Variants in CFAP47 observed in about 807,000 individuals in gnomAD.
CFAP47 encodes cilia and flagella associated protein 47.
CFAP47 carries 29 observed loss-of-function variants against 148.1 expected under a neutral mutation model. The observed-to-expected ratio is 0.20, with a 90% CI of 0.15 to 0.27. The LOEUF is 0.27. Among genes scored for constraint, CFAP47 ranks in the 10% least tolerant of loss-of-function variants. The probability of loss-of-function intolerance (pLI) is 1.00; values close to 1 mark genes in which losing one functional copy is unlikely to be tolerated. For synonymous variants in CFAP47, 664 were observed against 577.3 expected, an observed-to-expected ratio of 1.15 and a Z score of -2.15; for missense variants, 1,872 against 1,697.5, an observed-to-expected ratio of 1.10 and a Z score of -1.81.
At chrX:36,175,059 C>T (rs1256024909) in intron 39 of CFAP47, among the ~76,000 whole-genome samples, 1 of 111,155 alleles carries the variant, frequency 9.0e-6, no homozygotes, top group African/African-American at 3.3e-5. Context: ...TTTCATCTTC[C>T]ATCACTGATA....
At chrX:36,268,701 A>G (rs1940924281) in intron 49 of CFAP47, among the ~76,000 whole-genome samples, 1 of 112,037 alleles carries the variant, frequency 8.9e-6, no homozygotes, top group Admixed American at 9.5e-5. Flanking sequence ...TGCTTGCTCA[A>G]TCAAAAGAAT....
intron 16 of CFAP47, among the ~76,000 whole-genome samples, chrX:35,990,959 A>T (rs1382470315): frequency 9.0e-6 from 1 of 111,265 alleles, no homozygotes; most frequent in African/African-American, 3.3e-5. Flanking sequence ...CCATGAGGAG[A>T]ATTGACTTTA....
intron 8 of CFAP47, among the ~76,000 whole-genome samples, chrX:35,959,509 C>T (rs773706605): frequency 5.2e-4 from 58 of 111,947 alleles, no homozygotes; most frequent in Admixed American, 1.7e-3. Flanking sequence ...TTAGCTCAAA[C>T]TGTTAAATCT....
chrX:36,354,432 G>A (rs1556018093), intron 60 of CFAP47, among the ~76,000 whole-genome samples: 1 of 93,340 alleles, frequency 1.1e-5, no homozygotes, highest in Non-Finnish European at 2.0e-5. Flanking sequence ...AGTGAGCCGA[G>A]ATCGTGCCAC....
intron 57 of CFAP47, among the ~76,000 whole-genome samples, chrX:36,338,565 A>T (rs1265664463): frequency 1.8e-5 from 2 of 111,845 alleles, no homozygotes; most frequent in Non-Finnish European, 3.8e-5. Context: ...GTTGATCCCC[A>T]GGAATCAATT....
chrX:35,994,754 A>G (rs969710392), intron 18 of CFAP47, among the ~76,000 whole-genome samples: 6 of 111,188 alleles, frequency 5.4e-5, no homozygotes, highest in African/African-American at 1.6e-4. Context: ...ATTTTAGAGG[A>G]TTATGCTGGG....
At chrX:36,364,261 G>A (rs781911063) in intron 61 of CFAP47, among the ~76,000 whole-genome samples, 2 of 110,415 alleles carry the variant, frequency 1.8e-5, no homozygotes, top group African/African-American at 6.5e-5. Flanking sequence ...CAAAGAAGTC[G>A]CTCACAGAAT....
intron 56 of CFAP47, among the ~76,000 whole-genome samples, chrX:36,313,305 G>GA (rs1344617329): frequency 3.6e-5 from 4 of 109,697 alleles, no homozygotes; most frequent in African/African-American, 1.3e-4. Flanking sequence ...AATCATGGTG[G>GA]AAAAAAAACA....
At position 36,098,426 on chromosome X, in the gene CFAP47, C is replaced by A. The variant is rs183762820; in HGVS notation, c.4917-367C>A. Among the ~76,000 whole-genome samples the A allele has an allele frequency of 8.1e-5, 9 of 111,586 alleles. No individual in the cohort carries two copies. In the East Asian group the frequency reaches 2.6e-3, roughly 32 times the overall value. On this transcript the variant is annotated intron_variant, in intron 30 of 63. Coordinates refer to ENST00000378653, the MANE Select transcript of CFAP47 (RefSeq NM_001304548.2). ...TTAGCTGGTGGCAAAGCCAGCCAAGCCTATATCTTTCCTTTAAGGCTTAGA... is the reference window on the plus strand; with the variant it reads ...TTAGCTGGTGGCAAAGCCAGCCAAGACTATATCTTTCCTTTAAGGCTTAGA...
intron 50 of CFAP47, 55 bp from the exon 51 acceptor site, chrX:36,285,574 G>T: frequency 2.0e-6 from 1 of 509,558 alleles, no homozygotes. Flanking sequence ...AAATGTGTAT[G>T]TTAAGTATGG....
At chrX:36,011,163 TTTTGAGATATA>T (rs1181100257) in intron 21 of CFAP47, among the ~76,000 whole-genome samples, 7 of 111,972 alleles carry the variant, frequency 6.3e-5, no homozygotes, top group Non-Finnish European at 9.4e-5. Context: ...TTGAGTAGTG[TTTTGAGATATA>T]TTTCCTTGAA....
chrX:36,222,514 C>A (rs1391533956), intron 45 of CFAP47, among the ~76,000 whole-genome samples: 1 of 109,513 alleles, frequency 9.1e-6, no homozygotes, highest in African/African-American at 3.3e-5. Flanking sequence ...AAGTATAGGT[C>A]TTTATTATTT....
At chrX:36,216,147 G>A (rs1300238224) in intron 45 of CFAP47, among the ~76,000 whole-genome samples, 3 of 112,318 alleles carry the variant, frequency 2.7e-5, no homozygotes, top group Non-Finnish European at 5.6e-5. Context: ...GTCAGTGTAC[G>A]TTTTATTCAT....
At chrX:36,207,013 A>C (rs1191180974) in intron 45 of CFAP47, among the ~76,000 whole-genome samples, 3 of 112,077 alleles carry the variant, frequency 2.7e-5, no homozygotes, top group African/African-American at 9.7e-5. Context: ...GTTTAAGAAG[A>C]AAGATATTAG....
rs772162892 is a variant in CFAP47, at chrX:35,941,320, G to A, written c.439G>A (p.Val147Ile). The change falls in exon 3 of 64, where the codon GTT (valine) becomes ATT (isoleucine). Residue 147 changes from valine to isoleucine, a missense_variant. Coordinates refer to ENST00000378653, the MANE Select transcript of CFAP47 (RefSeq NM_001304548.2). The part of the protein sequence containing the change: ...PSCQLEIESV[V>I]NFGTLVANSK... ...CTGTCAATTGGAAATTGAATCAGTA[G>A]TTAATTTTGGCACACTGGTTGCCAA... is the stretch of plus-strand genomic sequence containing the variant. 135 of 1,175,554 alleles carry A rather than the reference G, an allele frequency of 1.1e-4. No individual in the cohort carries two copies. The highest frequency in any genetic ancestry group is 1.4e-4 in the Non-Finnish European group (125 of 877,080).
At chrX:36,042,880 T>G (rs886326879) in intron 25 of CFAP47, among the ~76,000 whole-genome samples, 1 of 111,433 alleles carries the variant, frequency 9.0e-6, no homozygotes, top group Non-Finnish European at 1.9e-5. Flanking sequence ...GGAAGAAGAA[T>G]AAGATGGGAA....
intron 57 of CFAP47, among the ~76,000 whole-genome samples, chrX:36,344,479 T>A (rs1256480559): frequency 9.0e-6 from 1 of 111,474 alleles, no homozygotes; most frequent in Non-Finnish European, 1.9e-5. Flanking sequence ...AATTCAATAA[T>A]GAACTTCAGT....
intron 57 of CFAP47, among the ~76,000 whole-genome samples, chrX:36,328,029 C>T (rs981526270): frequency 2.0e-4 from 22 of 111,666 alleles, no homozygotes; most frequent in Non-Finnish European, 1.1e-4. Context: ...GGGATTCATA[C>T]CCCACACCTC....
At chrX:36,121,667 G>A (rs1254794296) in intron 33 of CFAP47, among the ~76,000 whole-genome samples, 3 of 111,064 alleles carry the variant, frequency 2.7e-5, no homozygotes, top group Admixed American at 1.9e-4. Context: ...AGAACTCTAT[G>A]TCTTAACTTC....
Sources: allele counts gnomAD v4.1 joint callset (sites outside exome capture counted in the v4.1 genomes callset), GRCh38; gene constraint gnomAD v4.1.1; transcripts MANE v1.5; gene names NCBI Gene and HGNC (gene_info 2026-07-23, HGNC 2026-07-21).